Variants in GLCE observed in about 807,000 individuals in gnomAD.
GLCE encodes D-glucuronyl C5-epimerase.
GLCE carries 19 observed loss-of-function variants against 47.9 expected under a neutral mutation model. The ratio of observed to expected loss-of-function variants is 0.40; its 90% CI spans 0.28 to 0.58. The LOEUF (loss-of-function observed/expected upper bound fraction) is 0.58, where lower values mean the gene tolerates loss of function less well. GLCE is among the 20% of genes least tolerant of loss of function. GLCE has a pLI of 0.48. For missense variants in GLCE, 556 were observed against 743.3 expected, an observed-to-expected ratio of 0.75 and a Z score of 2.93; for synonymous variants, 245 against 263.4, an observed-to-expected ratio of 0.93 and a Z score of 0.68.
chr15:69,270,850 G>C lies in GLCE; in HGVS notation c.*1606G>C, dbSNP rs530121200. The C allele has an allele frequency of 6.6e-6, 1 of 152,160 alleles. No homozygotes were observed. The highest frequency in any genetic ancestry group is 1.5e-5 in the Non-Finnish European group (1 of 67,982). The allele number at this position is 152,160 out of a possible 1,614,324, so 9.4% of individuals were successfully genotyped here. A position where few individuals can be genotyped will look rare whatever the true frequency, so the allele number is the denominator to read the frequency against. The stretch of plus-strand genomic sequence containing the variant: ...ATGTGACCACACTCTTCTTAATTTT[G>C]TTCACAGTAAAAACACTTTTTTGAG... On this transcript the variant is annotated 3_prime_UTR_variant, in exon 5 of 5. Coordinates refer to ENST00000261858, the MANE Select transcript of GLCE (RefSeq NM_015554.3).
At chr15:69,236,437 TA>T (rs987549782) in intron 2 of GLCE, among the ~76,000 whole-genome samples, 6 of 152,074 alleles carry the variant, frequency 3.9e-5, no homozygotes, top group Non-Finnish European at 2.9e-5. Flanking sequence ...ACACGCCTTT[TA>T]AAAAAATTAG....
intron 2 of GLCE, among the ~76,000 whole-genome samples, chr15:69,251,506 T>C (rs2052843929): frequency 6.6e-6 from 1 of 152,242 alleles, no homozygotes; most frequent in Non-Finnish European, 1.5e-5. Context: ...AGGGATTACA[T>C]AATGCTAATT....
intron 2 of GLCE, among the ~76,000 whole-genome samples, chr15:69,225,954 C>T (rs555613727): frequency 3.4e-4 from 52 of 152,270 alleles, no homozygotes; most frequent in Non-Finnish European, 1.8e-4. Context: ...CCCAGTGTTA[C>T]ATATATGACG....
In GLCE at chr15:69,256,008, G is replaced by A. The variant is rs184777253; in HGVS notation, c.202G>A (p.Val68Met). The change falls in exon 3 of 5, where the codon GTG (valine) becomes ATG (methionine). Residue 68 changes from valine (V) to methionine (M), a missense_variant. Around this residue, in one of 3 missense-constraint regions of GLCE, gnomAD observed 237 missense variants for 310.9 expected, o/e 0.76. Transcript: ENST00000261858. The stretch of plus-strand genomic sequence containing the variant: ...TGAGAGTAACAACTATATGAACCAC[G>A]TGGCCAAACAACAGTCTGAGGAAGC... ...ASESNNYMNH[V>M]AKQQSEEAFP... 7.2e-5 allele frequency: 116 copies of A among 1,614,036 alleles called. No homozygotes were observed. The Admixed American group carries it at 8.5e-4, about 12-fold the overall frequency.
intron 4 of GLCE, 44 bp from the exon 5 acceptor site, chr15:69,268,176 G>A (rs972007499): frequency 9.6e-6 from 12 of 1,247,746 alleles, no homozygotes; most frequent in Non-Finnish European, 1.2e-5. Context: ...ATACAAAAGT[G>A]CTTTTATTCT....
intron 1 of GLCE, among the ~76,000 whole-genome samples, chr15:69,189,309 C>T (rs533079167): frequency 6.6e-6 from 1 of 152,158 alleles, no homozygotes; most frequent in South Asian, 2.1e-4. Context: ...TTCAGATTGG[C>T]TTCTTTCACG....
At chr15:69,171,997 A>T (rs890617400) in intron 1 of GLCE, among the ~76,000 whole-genome samples, 1 of 152,196 alleles carries the variant, frequency 6.6e-6, no homozygotes, top group African/African-American at 2.4e-5. Flanking sequence ...TCTTTATAGG[A>T]GAATTGCAAA....
chr15:69,244,065 A>G (rs995235311), intron 2 of GLCE, among the ~76,000 whole-genome samples: 7 of 152,212 alleles, frequency 4.6e-5, no homozygotes, highest in Non-Finnish European at 1.5e-5. Flanking sequence ...CCTCACATTA[A>G]CATGGGGAAG....
At chr15:69,214,586 T>A (rs972430468) in intron 2 of GLCE, among the ~76,000 whole-genome samples, 4 of 152,138 alleles carry the variant, frequency 2.6e-5, no homozygotes, top group Admixed American at 6.6e-5. Flanking sequence ...TTCTTTATAA[T>A]AGTGTGAAAA....
intron 1 of GLCE, among the ~76,000 whole-genome samples, chr15:69,185,676 A>G (rs573213869): frequency 2.0e-5 from 3 of 152,218 alleles, no homozygotes; most frequent in East Asian, 3.9e-4. Context: ...AAAAATCATC[A>G]TCAATACAGA....
chr15:69,209,289 A>G (rs2052194587), intron 1 of GLCE, among the ~76,000 whole-genome samples: 1 of 151,848 alleles, frequency 6.6e-6, no homozygotes, highest in Non-Finnish European at 1.5e-5. Flanking sequence ...GTGCAAGTTG[A>G]GTTTTTTTGA....
At chr15:69,215,184 C>G (rs1200687109) in intron 2 of GLCE, among the ~76,000 whole-genome samples, 1 of 152,122 alleles carries the variant, frequency 6.6e-6, no homozygotes, top group Admixed American at 6.6e-5. Context: ...TCTGTGACCA[C>G]CCCCGCACCC....
intron 1 of GLCE, among the ~76,000 whole-genome samples, chr15:69,182,885 C>T (rs528714940): frequency 3.9e-5 from 6 of 151,938 alleles, no homozygotes; most frequent in East Asian, 1.9e-4. Context: ...TGTGGTGGTG[C>T]GTGCCTGTAG....
intron 2 of GLCE, among the ~76,000 whole-genome samples, chr15:69,239,448 G>T (rs545459421): frequency 2.6e-5 from 4 of 152,180 alleles, no homozygotes; most frequent in East Asian, 3.9e-4. Context: ...GAAAACCCAA[G>T]CTGGAACATA....
chr15:69,171,674 G>T (rs968022562), intron 1 of GLCE, among the ~76,000 whole-genome samples: 2 of 152,172 alleles, frequency 1.3e-5, no homozygotes, highest in Non-Finnish European at 2.9e-5. Context: ...GGGATTACAG[G>T]CGTGAGCCAC....
intron 1 of GLCE, among the ~76,000 whole-genome samples, chr15:69,168,199 G>A (rs960370784): frequency 2.0e-5 from 3 of 152,078 alleles, no homozygotes; most frequent in Admixed American, 6.5e-5. Flanking sequence ...CTCGGAGGCC[G>A]AGGTTGGAGG....
chr15:69,218,957 CAT>C (rs2052343146), intron 2 of GLCE, among the ~76,000 whole-genome samples: 3 of 152,106 alleles, frequency 2.0e-5, no homozygotes. Context: ...AAAACAAACT[CAT>C]ATAGCTGCAA....
At chr15:69,240,452 A>AT in intron 2 of GLCE, among the ~76,000 whole-genome samples, 2 of 152,260 alleles carry the variant, frequency 1.3e-5, no homozygotes, top group East Asian at 3.9e-4. Flanking sequence ...TGTAGAAAAC[A>AT]TTTTTTTATG....
chr15:69,263,047 C>A (rs181150521), intron 4 of GLCE, among the ~76,000 whole-genome samples: 1 of 152,106 alleles, frequency 6.6e-6, no homozygotes. Flanking sequence ...ATATGCGACC[C>A]ATCATGAGGG....
Sources: allele counts gnomAD v4.1 joint callset (sites outside exome capture counted in the v4.1 genomes callset), GRCh38; gene constraint gnomAD v4.1.1; regional missense constraint gnomAD v4.1.1; transcripts MANE v1.5; gene names NCBI Gene and HGNC (gene_info 2026-07-23, HGNC 2026-07-21).